Variants in RBM47 observed in about 807,000 individuals in gnomAD.
RBM47 encodes RNA binding motif protein 47.
RBM47 carries 21 observed loss-of-function variants against 47.1 expected under a neutral mutation model. That is an observed-to-expected ratio of 0.45 (90% CI 0.32 to 0.64). RBM47 has a LOEUF of 0.64. Ranked by LOEUF, RBM47 falls within the 30% of genes least tolerant of loss-of-function variation. RBM47 has a pLI of 0.05. For synonymous variants in RBM47, 375 were observed against 361.7 expected, an observed-to-expected ratio of 1.04 and a Z score of -0.42; for missense variants, 708 against 870.9, an observed-to-expected ratio of 0.81 and a Z score of 2.35.
chr4:40,449,349 C>T (rs576544180), intron 3 of RBM47, among the ~76,000 whole-genome samples: 2 of 152,276 alleles, frequency 1.3e-5, no homozygotes, highest in Admixed American at 1.3e-4. Context: ...CATTCCGGGC[C>T]ATGCCTTCTG....
Position 40,624,648 on chromosome 4 carries a change from A to C in RBM47, c.-240+4748T>G, listed in dbSNP as rs527443822. 2.6e-5 allele frequency among the ~76,000 whole-genome samples: 4 copies of C among 152,334 alleles called. No individual in the cohort carries two copies. The East Asian group carries it at 7.7e-4, about 29-fold the overall frequency. On this transcript the variant is annotated intron_variant, in intron 1 of 6. Transcript: ENST00000295971. ...CATTAGGCCATTGCATTTTCTGTTA[A>C]TAAGAAGTTGCAGTGCCCCATTAAA... is the stretch of plus-strand genomic sequence containing the variant.
At chr4:40,488,684 T>C (rs770410422) in intron 2 of RBM47, among the ~76,000 whole-genome samples, 2 of 152,098 alleles carry the variant, frequency 1.3e-5, no homozygotes, top group African/African-American at 4.8e-5. Flanking sequence ...TCATAGATGG[T>C]TGGCAAAGAG....
intron 1 of RBM47, among the ~76,000 whole-genome samples, chr4:40,622,766 T>C (rs1737381681): frequency 6.6e-6 from 1 of 152,118 alleles, no homozygotes; most frequent in South Asian, 2.1e-4. Context: ...TCTGTAATCC[T>C]AGCTACTCAG....
intron 2 of RBM47, among the ~76,000 whole-genome samples, chr4:40,533,519 G>A (rs1727616338): frequency 6.6e-6 from 1 of 151,438 alleles, no homozygotes; most frequent in African/African-American, 2.4e-5. Flanking sequence ...AGGCCAATAA[G>A]CAAAAGTTTA....
intron 1 of RBM47, among the ~76,000 whole-genome samples, chr4:40,547,394 C>T (rs1217617987): frequency 6.6e-6 from 1 of 152,112 alleles, no homozygotes; most frequent in Non-Finnish European, 1.5e-5. Flanking sequence ...CAACACAGAC[C>T]GAGGGATGAC....
At chr4:40,460,780 C>T (rs982025890) in intron 3 of RBM47, among the ~76,000 whole-genome samples, 2 of 146,472 alleles carry the variant, frequency 1.4e-5, no homozygotes, top group Non-Finnish European at 1.5e-5. Context: ...CCCAGCTACT[C>T]GGGACGCTGA....
At chr4:40,519,297 C>CTT (rs374404085) in intron 2 of RBM47, among the ~76,000 whole-genome samples, 34,342 of 129,944 alleles carry the variant, frequency 0.26, 5,209 homozygotes, top group African/African-American at 0.38. Context: ...CTCCTTCAAT[C>CTT]TTTTTTTTTT....
intron 2 of RBM47, among the ~76,000 whole-genome samples, chr4:40,479,693 G>C (rs1303229183): frequency 1.3e-5 from 2 of 151,980 alleles, no homozygotes; most frequent in Admixed American, 6.6e-5. Flanking sequence ...TTTTGTGATA[G>C]AGTCTAGCTA....
At chr4:40,619,010 C>A (rs1411455636) in intron 1 of RBM47, among the ~76,000 whole-genome samples, 1 of 151,998 alleles carries the variant, frequency 6.6e-6, no homozygotes, top group Non-Finnish European at 1.5e-5. Context: ...CAGGCCATCA[C>A]CACATCTTGC....
intron 2 of RBM47, among the ~76,000 whole-genome samples, chr4:40,485,380 C>T (rs278958): frequency 0.048 from 7,295 of 152,272 alleles, 448 homozygotes; most frequent in African/African-American, 0.14. Flanking sequence ...TCGACAGCTG[C>T]TTTATCTAAG....
rs79279901 is a variant in RBM47 at position 40,460,367 on chromosome 4, C to T, written c.-32+6210G>A. Among the ~76,000 whole-genome samples the T allele has an allele frequency of 2.0e-3, 307 of 152,282 alleles. 7 individuals are homozygous for T. The East Asian group carries it at 0.052, about 26-fold the overall frequency. On this transcript the variant is annotated intron_variant, in intron 3 of 6. Transcript: ENST00000295971. ...AGGCAGTTTTTAATCACTCTTTTAT[C>T]TGAAGGTATTTTGAGAGGCTGCTTA... is the stretch of plus-strand genomic sequence containing the variant.
chr4:40,529,506 ACT>A (rs1274769576), intron 2 of RBM47, among the ~76,000 whole-genome samples: 1 of 104,340 alleles, frequency 9.6e-6, no homozygotes, highest in African/African-American at 4.1e-5. Context: ...ACAGAAGGAG[ACT>A]CTGTCACAAA....
rs549374543 is a variant in RBM47, at chr4:40,544,474, C to T, written c.-207G>A. On this transcript the variant is annotated 5_prime_UTR_variant, in exon 2 of 7. Coordinates refer to ENST00000295971, the MANE Select transcript of RBM47 (RefSeq NM_001098634.2). ...CTGATCTCTGCTGGGTGACCTGACG[C>T]AGAGTCTCTTTCCAAGGCCTCCGTT... 6.6e-6 allele frequency: 1 copy of T among 152,276 alleles called. No homozygotes were observed. Among genetic ancestry groups the T allele is most frequent in the African/African-American group, 2.4e-5 (1 of 41,556 alleles). The allele number at this position is 152,276 out of a possible 1,614,324, so 9.4% of individuals were successfully genotyped here. A position where few individuals can be genotyped will look rare whatever the true frequency, so the allele number is the denominator to read the frequency against.
chr4:40,598,291 G>T (rs1484710512), intron 1 of RBM47, among the ~76,000 whole-genome samples: 2 of 152,094 alleles, frequency 1.3e-5, no homozygotes, highest in East Asian at 3.8e-4. Flanking sequence ...CTGTCACCCA[G>T]GCTGAAGTGC....
At chr4:40,563,033 T>C (rs1373448952) in intron 1 of RBM47, among the ~76,000 whole-genome samples, 1 of 152,180 alleles carries the variant, frequency 6.6e-6, no homozygotes, top group Non-Finnish European at 1.5e-5. Context: ...AACTGGCATT[T>C]GTTAGCCCTT....
chr4:40,602,093 G>A (rs774738883), intron 1 of RBM47, among the ~76,000 whole-genome samples: 3 of 151,994 alleles, frequency 2.0e-5, no homozygotes, highest in Non-Finnish European at 2.9e-5. Flanking sequence ...GCTTGAGCCC[G>A]GGAGGTGGAG....
chr4:40,605,300 C>T (rs1332498577), intron 1 of RBM47, among the ~76,000 whole-genome samples: 1 of 152,026 alleles, frequency 6.6e-6, no homozygotes, highest in African/African-American at 2.4e-5. Flanking sequence ...GCTGGGATTA[C>T]AGGCGTGAAC....
At chr4:40,588,427 T>C (rs1733801727) in intron 1 of RBM47, among the ~76,000 whole-genome samples, 1 of 152,202 alleles carries the variant, frequency 6.6e-6, no homozygotes, top group Non-Finnish European at 1.5e-5. Flanking sequence ...TAATTCAAAC[T>C]GAACCTTTCC....
chr4:40,438,795 T>C lies in RBM47; in HGVS notation c.99A>G (p.Ala33=). The part of the protein sequence containing the change: ...PEGVAGAPNE[A]ALLALMERTG... ...TGCGCTCCATCAGCGCCAGCAGTGCTGCCTCGTTGGGCGCGCCCGCCACGC... is the reference window on the plus strand; with the variant it reads ...TGCGCTCCATCAGCGCCAGCAGTGCCGCCTCGTTGGGCGCGCCCGCCACGC... Residue 33 remains alanine, a synonymous_variant, in exon 4 of 7, where the codon GCA becomes GCG. Coordinates refer to ENST00000295971, the MANE Select transcript of RBM47 (RefSeq NM_001098634.2). 6.4e-7 allele frequency: 1 copy of C among 1,551,460 alleles called. No individual in the cohort carries two copies.
Sources: gnomAD v4.1 joint callset for allele counts (sites outside exome capture counted in the v4.1 genomes callset) on GRCh38, gnomAD v4.1.1 for gene constraint, MANE v1.5 for transcripts, NCBI Gene and HGNC (gene_info 2026-07-23, HGNC 2026-07-21) for gene names.